CTNNA2: variants seen among roughly 807,000 people sequenced by gnomAD.
The protein encoded by CTNNA2 is catenin alpha-2.
In CTNNA2, 42 loss-of-function variants were observed where a neutral mutation model predicts 101.0. The observed-to-expected ratio is 0.42, with a 90% CI of 0.32 to 0.54. The LOEUF (loss-of-function observed/expected upper bound fraction) is 0.54. Among genes scored for constraint, CTNNA2 ranks in the 20% least tolerant of loss-of-function variants. The pLI, the probability that CTNNA2 is intolerant of heterozygous loss-of-function variation, is 0.14. For missense variants in CTNNA2, 871 were observed against 1,223.1 expected (o/e 0.71, Z 4.29); for synonymous variants, 450 against 456.4 (o/e 0.99, Z 0.18).
intron 2 of CTNNA2, among the ~76,000 whole-genome samples, chr2:79,728,648 T>C (rs995264085): frequency 1.3e-5 from 2 of 152,120 alleles, no homozygotes; most frequent in Non-Finnish European, 2.9e-5. Context: ...GAAGTCCTTG[T>C]CCATGCCTAT....
Position 80,423,986 on chromosome 2 carries a change from C to T in CTNNA2, c.1290+4385C>T, listed in dbSNP as rs972512644. ...TCTTTTTTTTTTTGAGATGGAGTCT[C>T]GCACTGTCGCCTGGGCTGGAGTGCA... On this transcript the variant is annotated intron_variant, in intron 9 of 18. Coordinates refer to ENST00000402739, the MANE Select transcript of CTNNA2 (RefSeq NM_001282597.3). Among the ~76,000 whole-genome samples the T allele has an allele frequency of 3.3e-5, 5 of 151,966 alleles. No individual in the cohort carries two copies. In the South Asian group the frequency reaches 6.2e-4, roughly 19 times the overall value.
chr2:79,764,840 CTCTG>C (rs1285213853), intron 3 of CTNNA2, among the ~76,000 whole-genome samples: 1 of 152,164 alleles, frequency 6.6e-6, no homozygotes, highest in Non-Finnish European at 1.5e-5. Context: ...GAGCTGACCA[CTCTG>C]TCTGTCTTAG....
intron 1 of CTNNA2, among the ~76,000 whole-genome samples, chr2:79,630,218 C>G (rs1300103447): frequency 6.6e-6 from 1 of 152,202 alleles, no homozygotes; most frequent in Non-Finnish European, 1.5e-5. Context: ...CCAAGTGGCA[C>G]TGTAAGGCAT....
chr2:80,218,360 G>A (rs1230087750), intron 7 of CTNNA2, among the ~76,000 whole-genome samples: 1 of 152,228 alleles, frequency 6.6e-6, no homozygotes, highest in Non-Finnish European at 1.5e-5. Flanking sequence ...GAGGTGGGCA[G>A]ACCTTCAGGA....
intron 3 of CTNNA2, among the ~76,000 whole-genome samples, chr2:79,837,570 A>G (rs1281563015): frequency 6.6e-6 from 1 of 152,158 alleles, no homozygotes; most frequent in East Asian, 1.9e-4. Flanking sequence ...TCAAATGAGC[A>G]TGGCAGAGGT....
rs77890587 is a variant in CTNNA2, at chr2:80,323,351, C to A, written c.1057-69860C>A. ...TGCATCCAGATGTGAGAATCATCGC[C>A]AAGATCTCCTTTCTTTCTTCCCCTT... On this transcript the variant is annotated intron_variant, in intron 7 of 18. Transcript: ENST00000402739. Among the ~76,000 whole-genome samples the A allele has an allele frequency of 1.4e-4, 22 of 152,282 alleles. No individual in the cohort carries two copies. In the East Asian group the frequency reaches 4.2e-3, roughly 29 times the overall value.
At chr2:79,233,509 G>C (rs1674521020) in intron 2 of CTNNA2, among the ~76,000 whole-genome samples, 1 of 152,162 alleles carries the variant, frequency 6.6e-6, no homozygotes, top group African/African-American at 2.4e-5. Flanking sequence ...GTGTATGGAT[G>C]ACAAAAATAT....
At chr2:79,290,179 C>A (rs910024893) in intron 2 of CTNNA2, among the ~76,000 whole-genome samples, 5 of 151,960 alleles carry the variant, frequency 3.3e-5, no homozygotes, top group Admixed American at 6.5e-5. Flanking sequence ...AGTATCAAAC[C>A]AAAAAAATCT....
At chr2:79,330,311 A>C (rs1400794306) in intron 3 of CTNNA2, among the ~76,000 whole-genome samples, 1 of 152,184 alleles carries the variant, frequency 6.6e-6, no homozygotes, top group East Asian at 1.9e-4. Context: ...GAACAAAGCA[A>C]GTTCAAGACT....
chr2:80,269,204 G>T (rs763999014), intron 7 of CTNNA2, among the ~76,000 whole-genome samples: 14 of 152,190 alleles, frequency 9.2e-5, no homozygotes, highest in Non-Finnish European at 1.5e-4. Flanking sequence ...ACGTGTGGTG[G>T]CAGGGGTCTT....
intron 2 of CTNNA2, among the ~76,000 whole-genome samples, chr2:79,239,463 T>C (rs1261974789): frequency 1.3e-5 from 2 of 152,102 alleles, no homozygotes; most frequent in African/African-American, 4.8e-5. Context: ...AAAAATTAAC[T>C]TAAGATGGAT....
At chr2:80,110,556 G>A (rs1301994646) in intron 7 of CTNNA2, among the ~76,000 whole-genome samples, 1 of 152,172 alleles carries the variant, frequency 6.6e-6, no homozygotes, top group Non-Finnish European at 1.5e-5. Flanking sequence ...GCAGAGAGCA[G>A]TTCATGGGTC....
chr2:79,621,844 A>AT (rs1679017239), intron 1 of CTNNA2, among the ~76,000 whole-genome samples: 1 of 152,178 alleles, frequency 6.6e-6, no homozygotes, highest in South Asian at 2.1e-4. Flanking sequence ...GGCACTTTAC[A>AT]TCCATGGTCT....
chr2:79,721,090 T>C, intron 2 of CTNNA2, among the ~76,000 whole-genome samples: 1 of 152,014 alleles, frequency 6.6e-6, no homozygotes, highest in East Asian at 1.9e-4. Context: ...ATGCTTCTTG[T>C]TCAGGCGGAA....
chr2:79,864,494 T>G (rs1031558869), intron 4 of CTNNA2, among the ~76,000 whole-genome samples: 1 of 152,162 alleles, frequency 6.6e-6, no homozygotes, highest in Non-Finnish European at 1.5e-5. Context: ...ACTAATAATT[T>G]GATTCAGATT....
chr2:79,353,596 C>T (rs369054783), intron 3 of CTNNA2, among the ~76,000 whole-genome samples: 60 of 152,196 alleles, frequency 3.9e-4, no homozygotes, highest in Admixed American at 2.1e-3. Context: ...AGACAGCATA[C>T]GGTGGGGTCT....
chr2:79,825,333 A>G (rs1678344678), intron 3 of CTNNA2, among the ~76,000 whole-genome samples: 1 of 152,198 alleles, frequency 6.6e-6, no homozygotes, highest in East Asian at 1.9e-4. Flanking sequence ...TGCCATGTTG[A>G]AAATTGGTTG....
chr2:79,333,563 C>A (rs1177199350), intron 3 of CTNNA2, among the ~76,000 whole-genome samples: 1 of 152,014 alleles, frequency 6.6e-6, no homozygotes, highest in Non-Finnish European at 1.5e-5. Context: ...GTGTATCCAG[C>A]CAACATTTAT....
At chr2:80,114,624 G>A (rs939618164) in intron 7 of CTNNA2, among the ~76,000 whole-genome samples, 14 of 152,206 alleles carry the variant, frequency 9.2e-5, no homozygotes, top group Admixed American at 6.5e-4. Flanking sequence ...GCTTTCTGAG[G>A]GAAGAGGGCA....
Sources: gnomAD v4.1 joint callset for allele counts (sites outside exome capture counted in the v4.1 genomes callset) on GRCh38, gnomAD v4.1.1 for gene constraint, MANE v1.5 for transcripts, NCBI Gene and HGNC (gene_info 2026-07-23, HGNC 2026-07-21) for gene names.